LRCH3: variants seen among roughly 807,000 people sequenced by gnomAD.
LRCH3 encodes leucine rich repeats and calponin homology domain containing 3.
Under a neutral mutation model 104.5 loss-of-function variants are expected in LRCH3, and 68 were observed. The ratio of observed to expected loss-of-function variants is 0.65; its 90% CI spans 0.54 to 0.80. The LOEUF is 0.80. Among genes scored for constraint, LRCH3 ranks in the 30% least tolerant of loss-of-function variants. The probability of loss-of-function intolerance (pLI) is 0.00; values close to 1 mark genes in which losing one functional copy is unlikely to be tolerated. For missense variants in LRCH3, 951 were observed against 953.9 expected (o/e 1.00, Z 0.04); for synonymous variants, 344 against 361.3 (o/e 0.95, Z 0.54).
intron 20 of LRCH3, chr3:197,881,214 T>C: frequency 1.0e-6 from 1 of 1,004,244 alleles, no homozygotes; most frequent in Non-Finnish European, 1.2e-6. Flanking sequence ...AGATTTCTGC[T>C]TTGAACTGTG....
intron 1 of LRCH3, among the ~76,000 whole-genome samples, chr3:197,809,238 C>A (rs1732842703): frequency 6.6e-6 from 1 of 151,442 alleles, no homozygotes; most frequent in Non-Finnish European, 1.5e-5. Flanking sequence ...GTAGAGGTTG[C>A]AGTGAGCCAT....
At chr3:197,860,286 G>C (rs376360838) in intron 15 of LRCH3, among the ~76,000 whole-genome samples, 1 of 152,120 alleles carries the variant, frequency 6.6e-6, no homozygotes, top group Non-Finnish European at 1.5e-5. Flanking sequence ...CAGCCACTGC[G>C]CCCAACCTCC....
Position 197,829,786 on chromosome 3 carries a change from C to A in LRCH3, c.887+113C>A, listed in dbSNP as rs1191225214. 4 of 691,752 alleles carry A rather than the reference C, an allele frequency of 5.8e-6. No homozygotes were observed. The East Asian group carries it at 8.3e-5, about 14-fold the overall frequency. 42.9% of individuals were successfully genotyped at this position (691,752 alleles called of 1,614,324 possible). ...TAAAGGGAAATAACCTGTTTTAACA[C>A]TGTTATTCTCAGAATGCTTGTATTG... is the stretch of plus-strand genomic sequence containing the variant. On this transcript the variant is annotated intron_variant, in intron 6 of 20. Coordinates refer to ENST00000425562, the MANE Select transcript of LRCH3 (RefSeq NM_001365715.1).
chr3:197,868,829 C>T (rs137980563), intron 17 of LRCH3, among the ~76,000 whole-genome samples: 1,841 of 152,250 alleles, frequency 0.012, 20 homozygotes, highest in Middle Eastern at 0.02. Flanking sequence ...GTTTTGAGCA[C>T]GTTGGGTACT....
Position 197,886,657 on chromosome 3 carries a change from T to C in LRCH3, c.*2991T>C, listed in dbSNP as rs1714213431. ...TTGTCTCTACTAAAAATACAAAAAT[T>C]AGCTGGGCGTGGTGGTGGGCACCTG... On this transcript the variant is annotated 3_prime_UTR_variant, in exon 21 of 21. Coordinates refer to ENST00000425562, the MANE Select transcript of LRCH3 (RefSeq NM_001365715.1). The C allele has an allele frequency of 6.6e-6, 1 of 151,978 alleles. No homozygotes were observed. The highest frequency in any genetic ancestry group is 1.5e-5 in the Non-Finnish European group (1 of 68,014). 9.4% of individuals were successfully genotyped at this position (151,978 alleles called of 1,614,324 possible).
Position 197,814,969 on chromosome 3 carries a change from A to G in LRCH3, c.324A>G (p.Glu108=). ...PIEACHFVSL[E]NLNLYQNCIR... ...AAGCATGTCACTTTGTTTCTCTGGA[A>G]AATCTCAACTTGTACCAAAATTGTA... The change falls in exon 2 of 21, where the codon GAA becomes GAG. Residue 108 remains glutamate (E), a synonymous_variant. Coordinates refer to ENST00000425562, the MANE Select transcript of LRCH3 (RefSeq NM_001365715.1). 6.2e-7 allele frequency: 1 copy of G among 1,601,400 alleles called. No homozygotes were observed. Among genetic ancestry groups the G allele is most frequent in the Non-Finnish European group, 8.5e-7 (1 of 1,174,236 alleles).
chr3:197,814,816 GT>G (rs2109184420), intron 1 of LRCH3, 91 bp from the exon 2 acceptor site: 1 of 1,107,746 alleles, frequency 9.0e-7, no homozygotes. Context: ...AAGAATAATA[GT>G]TTTATTTTTT....
chr3:197,843,181 T>G (rs148868318), intron 10 of LRCH3, among the ~76,000 whole-genome samples: 1 of 152,188 alleles, frequency 6.6e-6, no homozygotes, highest in African/African-American at 2.4e-5. Flanking sequence ...CTGTAAAGTG[T>G]GTTATAGCTT....
chr3:197,850,475 T>A, intron 12 of LRCH3: 2 of 1,591,390 alleles, frequency 1.3e-6, no homozygotes, highest in Non-Finnish European at 1.7e-6. Flanking sequence ...CCTCCTCTTC[T>A]GGTTTAGGAA....
At chr3:197,829,145 A>G (rs928316409) in intron 5 of LRCH3, among the ~76,000 whole-genome samples, 1 of 152,172 alleles carries the variant, frequency 6.6e-6, no homozygotes, top group Non-Finnish European at 1.5e-5. Flanking sequence ...ATGTTTCATG[A>G]TTTCCTGCTC....
chr3:197,870,663 G>A (rs2109522344), intron 18 of LRCH3, among the ~76,000 whole-genome samples: 1 of 152,200 alleles, frequency 6.6e-6, no homozygotes, highest in South Asian at 2.1e-4. Flanking sequence ...TCCGCGCCCG[G>A]CTGTAATTTT....
intron 17 of LRCH3, among the ~76,000 whole-genome samples, chr3:197,867,725 G>C (rs1711520203): frequency 6.6e-6 from 1 of 151,852 alleles, no homozygotes; most frequent in Non-Finnish European, 1.5e-5. Flanking sequence ...CATGGTGGCA[G>C]GTGCCTGTAG....
At chr3:197,834,794 A>T (rs1350644889) in intron 8 of LRCH3, among the ~76,000 whole-genome samples, 3 of 152,218 alleles carry the variant, frequency 2.0e-5, no homozygotes, top group African/African-American at 7.2e-5. Flanking sequence ...TTCTTTAGTG[A>T]ACTAGGACTA....
At chr3:197,870,940 CCT>C (rs1712103395) in intron 18 of LRCH3, among the ~76,000 whole-genome samples, 2 of 152,142 alleles carry the variant, frequency 1.3e-5, no homozygotes, top group African/African-American at 4.8e-5. Flanking sequence ...TAAATTTTTT[CCT>C]TTTTTCTACT....
chr3:197,817,360 G>GTGTGTTTATATATATATA, intron 3 of LRCH3, 58 bp downstream of exon 3: 1 of 77,938 alleles, frequency 1.3e-5, no homozygotes, highest in Non-Finnish European at 1.8e-5. Context: ...GTGTGTGTGT[G>GTGTGTTTATATATATATA]TATATATATA....
At chr3:197,874,727 C>T (rs756421631) in intron 19 of LRCH3, among the ~76,000 whole-genome samples, 2 of 151,992 alleles carry the variant, frequency 1.3e-5, no homozygotes, top group South Asian at 2.1e-4. Flanking sequence ...TGTAACTATT[C>T]GTTCAAAGTT....
intron 1 of LRCH3, among the ~76,000 whole-genome samples, chr3:197,808,777 G>A (rs1732784207): frequency 1.3e-5 from 2 of 152,094 alleles, no homozygotes; most frequent in African/African-American, 4.8e-5. Context: ...GGTGGCACAT[G>A]CCTGTAGTCT....
At chr3:197,825,463 G>GTTTTT (rs1491060533) in intron 4 of LRCH3, among the ~76,000 whole-genome samples, 2 of 29,402 alleles carry the variant, frequency 6.8e-5, no homozygotes, top group African/African-American at 1.2e-4. Context: ...GATCCTCTTT[G>GTTTTT]ATTTTTTTTT....
intron 20 of LRCH3, among the ~76,000 whole-genome samples, chr3:197,878,148 A>G (rs1436586464): frequency 2.6e-5 from 4 of 152,188 alleles, no homozygotes; most frequent in Admixed American, 1.3e-4. Context: ...TGCAAAATAG[A>G]CAGGAGAGTG....
Sources: allele counts gnomAD v4.1 joint callset (sites outside exome capture counted in the v4.1 genomes callset), GRCh38; gene constraint gnomAD v4.1.1; transcripts MANE v1.5; gene names NCBI Gene and HGNC (gene_info 2026-07-23, HGNC 2026-07-21).